DAB1: variants seen among roughly 807,000 people sequenced by gnomAD.
The protein encoded by DAB1 is disabled homolog 1.
DAB1 carries 15 observed loss-of-function variants against 64.6 expected under a neutral mutation model. The ratio of observed to expected loss-of-function variants is 0.23; its 90% CI spans 0.16 to 0.36. The LOEUF (loss-of-function observed/expected upper bound fraction) is 0.36. Ranked by LOEUF, DAB1 falls within the 10% of genes least tolerant of loss-of-function variation. DAB1 has a pLI of 1.00. For synonymous variants in DAB1, 235 were observed against 251.9 expected, an observed-to-expected ratio of 0.93 and a Z score of 0.64; for missense variants, 596 against 706.7, an observed-to-expected ratio of 0.84 and a Z score of 1.78.
chr1:58,090,270 C>T (rs138393221), intron 5 of DAB1, among the ~76,000 whole-genome samples: 40 of 152,164 alleles, frequency 2.6e-4, no homozygotes, highest in African/African-American at 6.5e-4. Context: ...TAAGACAGCA[C>T]GGTTTCATTT....
intron 2 of DAB1, among the ~76,000 whole-genome samples, chr1:58,521,307 C>T (rs1307979649): frequency 2.0e-5 from 3 of 147,778 alleles, no homozygotes; most frequent in South Asian, 2.2e-4. Context: ...GGAAAATGTA[C>T]GGCCTTAAAT....
intron 5 of DAB1, among the ~76,000 whole-genome samples, chr1:57,955,280 T>C (rs540502038): frequency 7.9e-5 from 12 of 152,204 alleles, no homozygotes; most frequent in African/African-American, 2.6e-4. Context: ...ACCTCAACCA[T>C]CTCATAAACT....
At chr1:57,883,728 G>T (rs547656162) in intron 1 of DAB1, among the ~76,000 whole-genome samples, 18 of 152,294 alleles carry the variant, frequency 1.2e-4, no homozygotes, top group Non-Finnish European at 2.4e-4. Flanking sequence ...CTAAGTCAGA[G>T]ACAAGTAACC....
At chr1:57,283,739 G>C (rs180904200) in intron 2 of DAB1, among the ~76,000 whole-genome samples, 1 of 152,300 alleles carries the variant, frequency 6.6e-6, no homozygotes, top group East Asian at 1.9e-4. Flanking sequence ...ATGTTAATGA[G>C]GTGAATCCTA....
At chr1:57,145,658 G>A (rs1340036842) in intron 2 of DAB1, among the ~76,000 whole-genome samples, 2 of 152,152 alleles carry the variant, frequency 1.3e-5, no homozygotes, top group African/African-American at 4.8e-5. Context: ...TTCTCAGGTA[G>A]GGAAAAATAA....
intron 7 of DAB1, among the ~76,000 whole-genome samples, chr1:57,607,996 T>C (rs573754557): frequency 6.6e-6 from 1 of 152,272 alleles, no homozygotes; most frequent in East Asian, 1.9e-4. Context: ...CAAAAATAAC[T>C]GCTGGACAGC....
intron 2 of DAB1, among the ~76,000 whole-genome samples, chr1:57,247,899 G>T (rs1285227337): frequency 2.0e-5 from 3 of 152,176 alleles, no homozygotes; most frequent in African/African-American, 7.2e-5. Flanking sequence ...CTTGGCCTTT[G>T]TTCCTGAATG....
At chr1:57,644,110 T>C (rs528014332) in intron 7 of DAB1, among the ~76,000 whole-genome samples, 1 of 152,134 alleles carries the variant, frequency 6.6e-6, no homozygotes, top group South Asian at 2.1e-4. Context: ...ACAGGGAGGA[T>C]GAGAAGGAAA....
chr1:57,766,550 C>A (rs992041638), intron 6 of DAB1, among the ~76,000 whole-genome samples: 6 of 152,170 alleles, frequency 3.9e-5, no homozygotes, highest in Non-Finnish European at 7.4e-5. Context: ...CAGATGCCTG[C>A]ACACTTTCTC....
intron 1 of DAB1, among the ~76,000 whole-genome samples, chr1:57,298,739 A>G (rs1433441850): frequency 8.5e-5 from 13 of 152,244 alleles, no homozygotes; most frequent in Non-Finnish European, 2.9e-5. Flanking sequence ...GAGCAAAGAG[A>G]CACAAAAAAT....
chr1:57,669,064 C>T (rs1398640956), intron 6 of DAB1, among the ~76,000 whole-genome samples: 4 of 152,006 alleles, frequency 2.6e-5, no homozygotes, highest in South Asian at 2.1e-4. Flanking sequence ...TCTTTAATTC[C>T]GTGTTCCTTA....
chr1:58,525,550 A>T (rs1569951104), intron 2 of DAB1, among the ~76,000 whole-genome samples: 1 of 152,158 alleles, frequency 6.6e-6, no homozygotes, highest in Admixed American at 6.5e-5. Context: ...ATTTCAAAAC[A>T]TCGAGAAAAA....
intron 4 of DAB1, among the ~76,000 whole-genome samples, chr1:57,129,510 A>C (rs1570745679): frequency 6.6e-6 from 1 of 152,236 alleles, no homozygotes; most frequent in East Asian, 1.9e-4. Flanking sequence ...TGGTCTAGAG[A>C]GAAGAGATTG....
intron 4 of DAB1, among the ~76,000 whole-genome samples, chr1:57,085,637 T>A (rs942263741): frequency 6.6e-6 from 1 of 152,238 alleles, no homozygotes; most frequent in Non-Finnish European, 1.5e-5. Flanking sequence ...CTTTTCTTCC[T>A]AACACAAACC....
intron 5 of DAB1, among the ~76,000 whole-genome samples, chr1:57,932,075 A>T (rs1030470522): frequency 6.6e-6 from 1 of 152,122 alleles, no homozygotes; most frequent in Non-Finnish European, 1.5e-5. Flanking sequence ...AAATATTTTT[A>T]AATTTCTCTT....
intron 7 of DAB1, among the ~76,000 whole-genome samples, chr1:57,431,872 C>T (rs765401787): frequency 1.3e-5 from 2 of 152,018 alleles, no homozygotes; most frequent in African/African-American, 4.8e-5. Context: ...GCCTATAATC[C>T]CAGCACTTTG....
intron 5 of DAB1, among the ~76,000 whole-genome samples, chr1:57,958,648 C>G (rs568205231): frequency 6.6e-5 from 10 of 152,126 alleles, no homozygotes; most frequent in Non-Finnish European, 1.5e-4. Context: ...GTGGCTTAAA[C>G]AACAGAAATG....
intron 5 of DAB1, among the ~76,000 whole-genome samples, chr1:58,067,974 G>A (rs915324456): frequency 6.6e-6 from 1 of 152,234 alleles, no homozygotes; most frequent in African/African-American, 2.4e-5. Context: ...CAAACAGTAA[G>A]ATAGTATGGA....
chr1:58,224,591 G>A lies in DAB1; in HGVS notation n.310-74003C>T, dbSNP rs183167437. On this transcript the variant is annotated intron_variant and non_coding_transcript_variant, in intron 4 of 20. Coordinates refer to the DAB1 transcript ENST00000485760. ...GACACCAAGAAATGCCACGGGACAT[G>A]TTCTGAGCCACAGTGTTCCCAAAAA... 5.3e-5 allele frequency among the ~76,000 whole-genome samples: 8 copies of A among 152,148 alleles called. No homozygotes were observed. In the East Asian group the frequency reaches 1.4e-3, roughly 26 times the overall value.
Sources: allele counts gnomAD v4.1 joint callset (sites outside exome capture counted in the v4.1 genomes callset), GRCh38; gene constraint gnomAD v4.1.1; transcripts MANE v1.5; gene names NCBI Gene and HGNC (gene_info 2026-07-23, HGNC 2026-07-21).